GALNTL6: variants seen among roughly 807,000 people sequenced by gnomAD.
GALNTL6 encodes polypeptide N-acetylgalactosaminyltransferase-like 6.
Under a neutral mutation model 73.7 loss-of-function variants are expected in GALNTL6, and 46 were observed. The observed-to-expected ratio is 0.62, with a 90% CI of 0.49 to 0.80. GALNTL6 has a LOEUF of 0.80. GALNTL6 is among the 30% of genes least tolerant of loss of function. The pLI is 0.00. For synonymous variants in GALNTL6, 259 were observed against 263.7 expected (o/e 0.98, Z 0.17); for missense variants, 604 against 755.0 (o/e 0.80, Z 2.34).
intron 5 of GALNTL6, among the ~76,000 whole-genome samples, chr4:172,464,099 C>A (rs770555083): frequency 2.6e-5 from 4 of 151,836 alleles, no homozygotes; most frequent in Non-Finnish European, 4.4e-5. Context: ...CAGGGTCTTG[C>A]TACATTGGCT....
At chr4:172,947,035 C>T (rs1055291076) in intron 9 of GALNTL6, among the ~76,000 whole-genome samples, 2 of 151,986 alleles carry the variant, frequency 1.3e-5, no homozygotes, top group Non-Finnish European at 2.9e-5. Context: ...TGGCAGGAAG[C>T]TAAAAGACAG....
At chr4:172,301,992 C>T (rs542840500) in intron 3 of GALNTL6, among the ~76,000 whole-genome samples, 11 of 152,316 alleles carry the variant, frequency 7.2e-5, no homozygotes, top group African/African-American at 2.4e-4. Flanking sequence ...GCAGGCAGGC[C>T]TCCTTGAGCT....
chr4:172,392,940 A>G (rs191391216), intron 5 of GALNTL6, among the ~76,000 whole-genome samples: 1 of 152,316 alleles, frequency 6.6e-6, no homozygotes, highest in African/African-American at 2.4e-5. Flanking sequence ...CGGGCCAGCA[A>G]GCATTACTGC....
At chr4:172,712,888 G>A (rs555214501) in intron 5 of GALNTL6, among the ~76,000 whole-genome samples, 2 of 152,264 alleles carry the variant, frequency 1.3e-5, no homozygotes, top group South Asian at 4.1e-4. Context: ...CATAATGAGT[G>A]TAAATCTCAG....
chr4:172,254,480 C>G (rs1202135484), intron 3 of GALNTL6, among the ~76,000 whole-genome samples: 1 of 151,396 alleles, frequency 6.6e-6, no homozygotes. Flanking sequence ...AGTTTAAACA[C>G]ACACACACTC....
At chr4:172,075,680 C>T (rs1338952736) in intron 2 of GALNTL6, among the ~76,000 whole-genome samples, 1 of 151,900 alleles carries the variant, frequency 6.6e-6, no homozygotes, top group East Asian at 1.9e-4. Flanking sequence ...TAAAGTTTGC[C>T]GATAGTTTCT....
intron 5 of GALNTL6, among the ~76,000 whole-genome samples, chr4:172,679,961 C>T (rs1027796206): frequency 5.9e-5 from 9 of 152,042 alleles, no homozygotes; most frequent in Admixed American, 5.9e-4. Flanking sequence ...ATGCTTACCA[C>T]CATCTTTGCA....
intron 5 of GALNTL6, among the ~76,000 whole-genome samples, chr4:172,652,200 T>G (rs535139872): frequency 6.6e-6 from 1 of 152,216 alleles, no homozygotes; most frequent in Admixed American, 6.5e-5. Flanking sequence ...GTGACATGCA[T>G]TTTACAACAG....
chr4:172,803,483 C>G (rs1238454538), intron 5 of GALNTL6, among the ~76,000 whole-genome samples: 1 of 152,208 alleles, frequency 6.6e-6, no homozygotes, highest in East Asian at 1.9e-4. Flanking sequence ...TTCCATGTAA[C>G]TGGCCCCTGG....
chr4:172,731,041 C>G (rs956946429), intron 5 of GALNTL6, among the ~76,000 whole-genome samples: 1 of 150,014 alleles, frequency 6.7e-6, no homozygotes, highest in African/African-American at 2.5e-5. Context: ...GATCGCACCA[C>G]TGCACTCCAG....
chr4:172,971,341 CA>C (rs1750573539), intron 10 of GALNTL6, among the ~76,000 whole-genome samples: 2 of 152,176 alleles, frequency 1.3e-5, no homozygotes, highest in Admixed American at 1.3e-4. Context: ...TATAAATATT[CA>C]AGAACTCTGG....
intron 12 of GALNTL6, among the ~76,000 whole-genome samples, chr4:173,025,465 C>T (rs1225756740): frequency 1.3e-5 from 2 of 152,156 alleles, no homozygotes; most frequent in Non-Finnish European, 2.9e-5. Flanking sequence ...GAAATCCACC[C>T]GCTCTTTGCC....
At chr4:172,434,608 G>T (rs112218045) in intron 5 of GALNTL6, among the ~76,000 whole-genome samples, 1 of 152,078 alleles carries the variant, frequency 6.6e-6, no homozygotes, top group African/African-American at 2.4e-5. Flanking sequence ...CCTAATTAAA[G>T]AACACAGAAT....
At chr4:172,052,280 A>T (rs941794986) in intron 2 of GALNTL6, among the ~76,000 whole-genome samples, 23 of 152,116 alleles carry the variant, frequency 1.5e-4, no homozygotes, top group Non-Finnish European at 2.9e-5. Context: ...GGCAGAGAGG[A>T]TACAGGACAT....
At chr4:172,559,134 G>A (rs1180735018) in intron 5 of GALNTL6, among the ~76,000 whole-genome samples, 4 of 117,188 alleles carry the variant, frequency 3.4e-5, no homozygotes, top group Admixed American at 1.3e-4. Flanking sequence ...TCGCGATCTC[G>A]GCTCACTGCA....
intron 2 of GALNTL6, among the ~76,000 whole-genome samples, chr4:172,202,922 C>A (rs1415579346): frequency 1.3e-5 from 2 of 151,524 alleles, no homozygotes; most frequent in East Asian, 1.9e-4. Flanking sequence ...CAAAATTAGG[C>A]TTGAGAGGAA....
At chr4:172,678,847 A>C (rs2111225785) in intron 5 of GALNTL6, among the ~76,000 whole-genome samples, 1 of 152,294 alleles carries the variant, frequency 6.6e-6, no homozygotes, top group Non-Finnish European at 1.5e-5. Context: ...AATGTTGAAA[A>C]TATATTCTCC....
At chr4:172,529,252 AT>A (rs1054788897) in intron 5 of GALNTL6, among the ~76,000 whole-genome samples, 5 of 151,518 alleles carry the variant, frequency 3.3e-5, no homozygotes, top group South Asian at 2.1e-4. Flanking sequence ...AAATTGAAAG[AT>A]TTTTTTTAAA....
At chr4:172,872,856 C>T (rs1268160496) in intron 7 of GALNTL6, among the ~76,000 whole-genome samples, 1 of 152,190 alleles carries the variant, frequency 6.6e-6, no homozygotes, top group Non-Finnish European at 1.5e-5. Flanking sequence ...TACCTCCTGC[C>T]AATTTTATCT....
Sources: allele counts gnomAD v4.1 joint callset (sites outside exome capture counted in the v4.1 genomes callset), GRCh38; gene constraint gnomAD v4.1.1; transcripts MANE v1.5; gene names NCBI Gene and HGNC (gene_info 2026-07-23, HGNC 2026-07-21).